CPED1: variants seen among roughly 807,000 people sequenced by gnomAD.
CPED1 encodes the protein cadherin-like and PC-esterase domain-containing protein 1.
CPED1 carries 114 observed loss-of-function variants against 128.2 expected under a neutral mutation model. The observed-to-expected ratio is 0.89, with a 90% CI of 0.76 to 1.04. The LOEUF is 1.04. Ranked by LOEUF, CPED1 falls within the 50% of genes least tolerant of loss-of-function variation. The pLI is 0.00. For missense variants in CPED1, 1,211 were observed against 1,207.1 expected, an observed-to-expected ratio of 1.00 and a Z score of -0.05; for synonymous variants, 462 against 426.7, an observed-to-expected ratio of 1.08 and a Z score of -1.02.
intron 21 of CPED1, among the ~76,000 whole-genome samples, chr7:121,268,824 C>G (rs962120339): frequency 1.3e-5 from 2 of 152,018 alleles, no homozygotes; most frequent in African/African-American, 4.8e-5. Context: ...CTTCCAGTTA[C>G]TCTTCAAATG....
intron 16 of CPED1, among the ~76,000 whole-genome samples, chr7:121,168,009 A>G (rs993445876): frequency 9.2e-5 from 14 of 152,138 alleles, no homozygotes. Context: ...CTGAGATTAC[A>G]GGCGTGAGCC....
rs113018441 is a variant in CPED1 at position 121,141,551 on chromosome 7, C to A, written c.1887-422C>A. Among the ~76,000 whole-genome samples, 1,313 of 152,122 alleles carry A rather than the reference C, an allele frequency of 8.6e-3. 19 individuals are homozygous for A. The highest frequency in any genetic ancestry group is 0.029 in the African/African-American group (1,190 of 41,524). ...ATGTACTTGGAACCCTCGGGAGCCA[C>A]GTCTAGTAGAAAGAAAAGATTCAAG... is the stretch of plus-strand genomic sequence containing the variant. On this transcript the variant is annotated intron_variant, in intron 15 of 22. Coordinates refer to ENST00000310396, the MANE Select transcript of CPED1 (RefSeq NM_024913.5).
chr7:121,051,669 A>G (rs551368120), intron 4 of CPED1: 21 of 320,948 alleles, frequency 6.5e-5, no homozygotes, highest in South Asian at 5.5e-4. Flanking sequence ...CCCTGTCAGA[A>G]TTGTGTGCAC....
chr7:121,036,503 A>ATT (rs1216871120), intron 3 of CPED1, among the ~76,000 whole-genome samples: 2 of 135,816 alleles, frequency 1.5e-5, no homozygotes, highest in African/African-American at 6.1e-5. Flanking sequence ...ATATATATAT[A>ATT]TATATTTTTT....
In CPED1 at chr7:121,275,456, C is replaced by T. The variant is rs1277984769; in HGVS notation, c.2868+4026C>T. 4.6e-5 allele frequency among the ~76,000 whole-genome samples: 7 copies of T among 152,174 alleles called. No individual in the cohort carries two copies. In the South Asian group the frequency reaches 8.3e-4, roughly 18 times the overall value. On this transcript the variant is annotated intron_variant, in intron 22 of 22. Transcript: ENST00000310396. ...CAAGAGAGGTTTTGGATGGTGCCTT[C>T]GGTTATGTGGCAAACACCTACTGTG...
rs1794096474 is a variant in CPED1, at chr7:121,075,278, TTTTAA to T, written c.616+10966_616+10970del. 3.9e-5 allele frequency among the ~76,000 whole-genome samples: 6 copies of T among 152,282 alleles called. No homozygotes were observed. The South Asian group carries it at 1.2e-3, about 32-fold the overall frequency. On this transcript the variant is annotated intron_variant, in intron 5 of 22. Transcript: ENST00000310396. The stretch of plus-strand genomic sequence containing the variant: ...AGAAAATGATTAGCATCACAAGTCA[TTTTAA>T]GCAAACACTGGAAATACTTGTGCTC...
chr7:120,995,899 CTCT>C (rs1404790637), intron 2 of CPED1, among the ~76,000 whole-genome samples: 12 of 107,124 alleles, frequency 1.1e-4, no homozygotes, highest in African/African-American at 2.6e-4. Flanking sequence ...CTTCTTCTTC[CTCT>C]TCTTCTTCTT....
At chr7:121,171,478 T>A (rs975596915) in intron 16 of CPED1, among the ~76,000 whole-genome samples, 5 of 152,226 alleles carry the variant, frequency 3.3e-5, no homozygotes, top group African/African-American at 7.2e-5. Flanking sequence ...CTTTTATTCA[T>A]ATGATTGCAA....
Position 121,064,234 on chromosome 7 carries a change from T to G in CPED1, c.541-4T>G. 1 of 1,596,040 alleles carries G rather than the reference T, an allele frequency of 6.3e-7. No individual in the cohort carries two copies. The highest frequency in any genetic ancestry group is 1.7e-5 in the Admixed American group (1 of 59,966). ...CTCACTAGAATCTTTTTCATTCCTTTCAGGCAAACAGATTACCAGAAATAC... is the reference window on the plus strand; with the variant it reads ...CTCACTAGAATCTTTTTCATTCCTTGCAGGCAAACAGATTACCAGAAATAC... On this transcript the variant is annotated splice_region_variant and splice_polypyrimidine_tract_variant and intron_variant, in intron 4 of 22. Transcript: ENST00000310396.
intron 7 of CPED1, among the ~76,000 whole-genome samples, chr7:121,111,306 C>G (rs1420195802): frequency 6.6e-6 from 1 of 152,086 alleles, no homozygotes; most frequent in African/African-American, 2.4e-5. Context: ...TCACTGTAAC[C>G]CCTATTTCCA....
chr7:121,079,750 G>A (rs977179202), intron 5 of CPED1, among the ~76,000 whole-genome samples: 3 of 152,186 alleles, frequency 2.0e-5, no homozygotes, highest in South Asian at 2.1e-4. Context: ...AGTAAATTTC[G>A]AAGACCCCAG....
At chr7:121,118,706 T>C (rs1795312939) in intron 7 of CPED1, among the ~76,000 whole-genome samples, 1 of 152,132 alleles carries the variant, frequency 6.6e-6, no homozygotes, top group African/African-American at 2.4e-5. Context: ...TCCTGCAGGT[T>C]GTACAGGAAG....
intron 7 of CPED1, among the ~76,000 whole-genome samples, chr7:121,123,382 C>T (rs1301940806): frequency 2.0e-5 from 3 of 152,080 alleles, no homozygotes; most frequent in African/African-American, 7.2e-5. Flanking sequence ...ACTTTGCAAT[C>T]CTGTGTAGTC....
chr7:121,246,111 T>C (rs191954990), intron 18 of CPED1, among the ~76,000 whole-genome samples: 70 of 152,306 alleles, frequency 4.6e-4, no homozygotes, highest in Admixed American at 1.6e-3. Flanking sequence ...AAGCTCAGAA[T>C]ACCATTCTGA....
At chr7:121,115,996 A>C (rs1452276251) in intron 7 of CPED1, among the ~76,000 whole-genome samples, 2 of 152,184 alleles carry the variant, frequency 1.3e-5, no homozygotes, top group South Asian at 2.1e-4. Context: ...TTTTCTAAGA[A>C]GGTTGAATAT....
chr7:121,039,246 A>T (rs940051755), intron 3 of CPED1, among the ~76,000 whole-genome samples: 1 of 152,000 alleles, frequency 6.6e-6, no homozygotes. Context: ...TTATAATTCA[A>T]TATTACTCTA....
intron 7 of CPED1, among the ~76,000 whole-genome samples, chr7:121,119,883 ACTC>A (rs1201611439): frequency 6.6e-6 from 1 of 151,966 alleles, no homozygotes. Context: ...ACATTTGACT[ACTC>A]TAGATACCTC....
At chr7:121,209,830 G>A (rs1797605372) in intron 16 of CPED1, among the ~76,000 whole-genome samples, 1 of 151,874 alleles carries the variant, frequency 6.6e-6, no homozygotes, top group Non-Finnish European at 1.5e-5. Context: ...CACAGAATGC[G>A]AGAAAATATC....
At chr7:121,158,616 T>C (rs1796343657) in intron 16 of CPED1, among the ~76,000 whole-genome samples, 1 of 152,038 alleles carries the variant, frequency 6.6e-6, no homozygotes, top group Non-Finnish European at 1.5e-5. Context: ...TTTATATTTC[T>C]CCAAGGTAAT....
Sources: gnomAD v4.1 joint callset for allele counts (sites outside exome capture counted in the v4.1 genomes callset) on GRCh38, gnomAD v4.1.1 for gene constraint, MANE v1.5 for transcripts, NCBI Gene and HGNC (gene_info 2026-07-23, HGNC 2026-07-21) for gene names.